Variants in RFX6 observed in about 807,000 individuals in gnomAD.
RFX6 encodes the protein regulatory factor X6.
Under a neutral mutation model 110.8 loss-of-function variants are expected in RFX6, and 50 were observed. The ratio of observed to expected loss-of-function variants is 0.45; its 90% CI spans 0.36 to 0.57. RFX6 has a LOEUF of 0.57. Ranked by LOEUF, RFX6 falls within the 20% of genes least tolerant of loss-of-function variation. RFX6 has a pLI of 0.00. For missense variants in RFX6, 990 were observed against 1,127.0 expected, an observed-to-expected ratio of 0.88 and a Z score of 1.74; for synonymous variants, 383 against 411.2, an observed-to-expected ratio of 0.93 and a Z score of 0.83.
At chr6:116,918,866 G>A (rs965051719) in intron 10 of RFX6, among the ~76,000 whole-genome samples, 3 of 151,994 alleles carry the variant, frequency 2.0e-5, no homozygotes, top group Non-Finnish European at 2.9e-5. Flanking sequence ...CTCTGAATTG[G>A]GTACTTGAAG....
chr6:116,895,225 C>T lies in RFX6; in HGVS notation c.672+18C>T, dbSNP rs1774917850. On this transcript the variant is annotated intron_variant, in intron 6 of 18. Coordinates refer to ENST00000332958, the MANE Select transcript of RFX6 (RefSeq NM_173560.4). Reference sequence around the variant, plus strand: ...AGAATGAGGTAAGAATTATTTTCATCTCTATTTTACATCTGCTATAATATG... The same window carrying T: ...AGAATGAGGTAAGAATTATTTTCATTTCTATTTTACATCTGCTATAATATG... 3 of 1,348,184 alleles carry T rather than the reference C, an allele frequency of 2.2e-6. No homozygotes were observed. The East Asian group carries it at 6.9e-5, about 31-fold the overall frequency. The allele number at this position is 1,348,184 out of a possible 1,614,324, so 83.5% of individuals were successfully genotyped here. A position where few individuals can be genotyped will look rare whatever the true frequency, so the allele number is the denominator to read the frequency against.
rs542156233 is a variant in RFX6, at chr6:116,928,512, T to C, written c.2399-247T>C. Among the ~76,000 whole-genome samples, 21 of 152,348 alleles carry C rather than the reference T, an allele frequency of 1.4e-4. No individual in the cohort carries two copies. The South Asian group carries it at 4.1e-3, about 30-fold the overall frequency. ...TTCTTATGTCTTAAATTATGTATTA[T>C]GCTATAATTATTGTATTAAATTATG... On this transcript the variant is annotated intron_variant, in intron 17 of 18. Transcript: ENST00000332958.
Position 116,927,148 on chromosome 6 carries a change from C to T in RFX6, c.2007C>T (p.Gly669=). The part of the protein sequence containing the change: ...GPMAGRPPSV[G]PVLSAPSHCS... ...TGGCAGGGAGGCCCCCAAGTGTGGG[C>T]CCAGTACTGTCAGCTCCATCACACT... The change falls in exon 17 of 19, where the codon GGC becomes GGT. Residue 669 remains glycine (G), a synonymous_variant. Coordinates refer to ENST00000332958, the MANE Select transcript of RFX6 (RefSeq NM_173560.4). 1 of 1,614,140 alleles carries T rather than the reference C, an allele frequency of 6.2e-7. No homozygotes were observed. The highest frequency in any genetic ancestry group is 1.1e-5 in the South Asian group (1 of 91,074).
chr6:116,887,035 C>T (rs542415400), intron 4 of RFX6, among the ~76,000 whole-genome samples: 7 of 152,104 alleles, frequency 4.6e-5, no homozygotes, highest in African/African-American at 1.4e-4. Context: ...TGCACTCCAG[C>T]CTGGCGACCG....
intron 6 of RFX6, among the ~76,000 whole-genome samples, chr6:116,898,558 C>G (rs1302916722): frequency 1.3e-5 from 2 of 151,950 alleles, no homozygotes; most frequent in African/African-American, 2.4e-5. Flanking sequence ...AAAACAGGAA[C>G]AGTAAAGAAT....
At chr6:116,893,525 T>C (rs1295612705) in intron 4 of RFX6, among the ~76,000 whole-genome samples, 1 of 152,158 alleles carries the variant, frequency 6.6e-6, no homozygotes, top group Non-Finnish European at 1.5e-5. Flanking sequence ...AGGAAAATAA[T>C]GTGTAAAGGG....
intron 16 of RFX6, 48 bp downstream of exon 16, chr6:116,925,707 T>G: frequency 7.5e-7 from 1 of 1,332,852 alleles, no homozygotes; most frequent in Non-Finnish European, 1.1e-6. Flanking sequence ...CAGAGAAGCC[T>G]GTTGCTTCAT....
At chr6:116,882,340 G>T in intron 3 of RFX6, 27 bp from the exon 4 acceptor site, 1 of 1,582,136 alleles carries the variant, frequency 6.3e-7, no homozygotes, top group Non-Finnish European at 8.7e-7. Flanking sequence ...ACTTTCTAAC[G>T]CCTAAAGTAA....
At chr6:116,906,743 TTGTG>T (rs56724266) in intron 6 of RFX6, among the ~76,000 whole-genome samples, 9 of 149,976 alleles carry the variant, frequency 6.0e-5, no homozygotes, top group Admixed American at 6.6e-5. Context: ...CATTTATGAG[TTGTG>T]TGTGTGTGTG....
intron 6 of RFX6, among the ~76,000 whole-genome samples, chr6:116,903,263 G>A (rs1032545409): frequency 6.6e-6 from 1 of 151,646 alleles, no homozygotes; most frequent in Admixed American, 6.6e-5. Context: ...GGTTTTTTGG[G>A]GCCCTTTTGC....
intron 4 of RFX6, among the ~76,000 whole-genome samples, chr6:116,889,514 A>G (rs1374693598): frequency 6.6e-6 from 1 of 152,054 alleles, no homozygotes; most frequent in Non-Finnish European, 1.5e-5. Context: ...TGCCTGAGAT[A>G]TCAGGCAAAG....
At chr6:116,891,394 A>G (rs1374379220) in intron 4 of RFX6, among the ~76,000 whole-genome samples, 1 of 152,230 alleles carries the variant, frequency 6.6e-6, no homozygotes, top group African/African-American at 2.4e-5. Context: ...AGAAACAAGA[A>G]AATTGAAGTT....
intron 3 of RFX6, 116 bp downstream of exon 3, chr6:116,880,783 C>A: frequency 2.6e-6 from 3 of 1,176,372 alleles, no homozygotes; most frequent in Non-Finnish European, 3.7e-6. Flanking sequence ...ATTTGTTTTG[C>A]AGGCATAAAT....
At chr6:116,907,521 A>C (rs1357274012) in intron 6 of RFX6, among the ~76,000 whole-genome samples, 1 of 152,068 alleles carries the variant, frequency 6.6e-6, no homozygotes, top group African/African-American at 2.4e-5. Flanking sequence ...AACTACTACA[A>C]ATTTGTAAAT....
intron 16 of RFX6, among the ~76,000 whole-genome samples, chr6:116,926,322 C>T (rs567814869): frequency 3.9e-5 from 6 of 152,218 alleles, no homozygotes; most frequent in South Asian, 2.1e-4. Flanking sequence ...AAACTGGATT[C>T]GGCCATTTTA....
Position 116,923,168 on chromosome 6 carries a change from GT to G in RFX6, c.1506del (p.Phe502LeufsTer5), listed in dbSNP as rs1176756248. ...KRAQDFLLKWSFFGARVMHNL... is the reference protein window; with the variant it reads ...KRAQDFLLKWXFFGARVMHNL... ...GCTCAAGACTTTCTGTTAAAGTGGA[GT>G]TTTTTTGGTGCTCGAGTAATGCATA... is the stretch of plus-strand genomic sequence containing the variant. On this transcript the variant is annotated frameshift_variant, in exon 14 of 19. Transcript: ENST00000332958. LOFTEE classifies it high-confidence loss of function. The G allele has an allele frequency of 3.1e-6, 5 of 1,609,392 alleles. No homozygotes were observed. The highest frequency in any genetic ancestry group is 4.3e-6 in the Non-Finnish European group (5 of 1,175,960).
chr6:116,918,187 G>A (rs1411797113), intron 10 of RFX6, 101 bp downstream of exon 10: 1 of 908,204 alleles, frequency 1.1e-6, no homozygotes, highest in Non-Finnish European at 1.8e-6. Flanking sequence ...CATTTATCAA[G>A]AAGACTATTT....
At chr6:116,880,756 T>G (rs1169892365) in intron 3 of RFX6, 89 bp downstream of exon 3, 11 of 1,384,368 alleles carry the variant, frequency 7.9e-6, no homozygotes, top group Middle Eastern at 1.8e-4. Context: ...GCAAGTTCTC[T>G]TAGAGAATAT....
chr6:116,925,764 A>T, intron 16 of RFX6, 105 bp downstream of exon 16: 1 of 769,702 alleles, frequency 1.3e-6, no homozygotes, highest in Non-Finnish European at 2.2e-6. Context: ...CAACAATAAA[A>T]AAGGATGATC....
Sources: allele counts gnomAD v4.1 joint callset (sites outside exome capture counted in the v4.1 genomes callset), GRCh38; gene constraint gnomAD v4.1.1; transcripts MANE v1.5; gene names NCBI Gene and HGNC (gene_info 2026-07-23, HGNC 2026-07-21).